Variants in SCOC observed in about 807,000 individuals in gnomAD.
SCOC encodes the protein short coiled-coil protein.
SCOC carries 7 observed loss-of-function variants against 9.9 expected under a neutral mutation model. The ratio of observed to expected loss-of-function variants is 0.71; its 90% CI spans 0.40 to 1.33. The LOEUF (loss-of-function observed/expected upper bound fraction) is 1.33. Ranked by LOEUF, SCOC falls within the 40% of genes most tolerant of loss-of-function variation. The pLI is 0.01. For synonymous variants in SCOC, 19 were observed against 28.2 expected, an observed-to-expected ratio of 0.67 and a Z score of 1.03; for missense variants, 66 against 89.7, an observed-to-expected ratio of 0.74 and a Z score of 1.07.
At chr4:140,343,441 C>T (rs999959769), upstream of SCOC, 48 of 498,140 alleles carry the variant, frequency 9.6e-5, no homozygotes, top group Non-Finnish European at 1.3e-4. Flanking sequence ...GGGTCTCCTA[C>T]CACTTCCGGT....
chr4:140,307,263 G>T (rs1366707169), intron 1 of SCOC, among the ~76,000 whole-genome samples: 1 of 152,156 alleles, frequency 6.6e-6, no homozygotes, highest in Non-Finnish European at 1.5e-5. Flanking sequence ...CAGTAACTCT[G>T]CAATTAACAC....
At chr4:140,364,837 A>C (rs1727719877) in intron 2 of SCOC, among the ~76,000 whole-genome samples, 1 of 152,124 alleles carries the variant, frequency 6.6e-6, no homozygotes, top group Non-Finnish European at 1.5e-5. Flanking sequence ...GTCAAAACTG[A>C]AGCTGTCAAT....
chr4:140,337,397 G>A (rs1442087901), intron 1 of SCOC, among the ~76,000 whole-genome samples: 2 of 152,012 alleles, frequency 1.3e-5, no homozygotes, highest in Non-Finnish European at 2.9e-5. Context: ...AATAAAGTTG[G>A]AGTACTCACA....
intron 2 of SCOC, among the ~76,000 whole-genome samples, chr4:140,351,893 G>A (rs545622825): frequency 2.8e-4 from 42 of 152,150 alleles, no homozygotes; most frequent in Non-Finnish European, 5.4e-4. Flanking sequence ...GAGTCTTGTC[G>A]GTGAAAAGGG....
exon 1 of SCOC, chr4:140,257,343 G>C (rs1325669665): frequency 6.6e-6 from 1 of 152,144 alleles, no homozygotes; most frequent in African/African-American, 2.4e-5. Context: ...TGATAGGAAC[G>C]ATGGCTACAT....
chr4:140,350,728 C>A (rs973018374), intron 2 of SCOC, among the ~76,000 whole-genome samples: 1 of 152,156 alleles, frequency 6.6e-6, no homozygotes, highest in Non-Finnish European at 1.5e-5. Flanking sequence ...AGCCTCCATT[C>A]CCTCAGCTGC....
intron 2 of SCOC, among the ~76,000 whole-genome samples, chr4:140,365,922 T>C (rs1278470892): frequency 6.6e-6 from 1 of 152,202 alleles, no homozygotes; most frequent in Non-Finnish European, 1.5e-5. Context: ...TCAAAAGTTA[T>C]ACATGGATTT....
chr4:140,316,783 T>C (rs548306409), intron 1 of SCOC, among the ~76,000 whole-genome samples: 13 of 152,336 alleles, frequency 8.5e-5, no homozygotes, highest in South Asian at 2.1e-4. Context: ...ATATTTTCAA[T>C]GAAACTATGA....
chr4:140,284,098 G>C (rs1003064442), intron 1 of SCOC: 1 of 152,160 alleles, frequency 6.6e-6, no homozygotes, highest in African/African-American at 2.4e-5. Context: ...GTGGGGTAGG[G>C]GGAAAGGAGA....
chr4:140,340,783 CTTTTTTTTTT>C (rs36136647), upstream of SCOC, among the ~76,000 whole-genome samples: 4 of 40,476 alleles, frequency 9.9e-5, no homozygotes, highest in East Asian at 6.4e-4. Context: ...TGCTGCCTAA[CTTTTTTTTTT>C]TTTTTTTTTT....
chr4:140,345,659 T>C lies in SCOC; in HGVS notation c.70+1951T>C, dbSNP rs577507105. On this transcript the variant is annotated intron_variant, in intron 2 of 4. Coordinates refer to the SCOC transcript ENST00000338517. ...GTAAAGCATTAAAAAGGTATGCTTA[T>C]ATTAAAAGAAAGTTTAGTTCAATTT... 2.6e-5 allele frequency among the ~76,000 whole-genome samples: 4 copies of C among 152,368 alleles called. No individual in the cohort carries two copies. In the East Asian group the frequency reaches 5.8e-4, roughly 22 times the overall value.
chr4:140,287,980 T>C (rs1013131415), intron 1 of SCOC, among the ~76,000 whole-genome samples: 2 of 151,872 alleles, frequency 1.3e-5, no homozygotes, highest in African/African-American at 4.8e-5. Context: ...ACATACCACA[T>C]GAACACATAC....
At chr4:140,366,833 C>G (rs1304475586) in intron 2 of SCOC, 1 of 888,166 alleles carries the variant, frequency 1.1e-6, no homozygotes, top group African/African-American at 1.6e-5. Flanking sequence ...CCCACACGGC[C>G]AACCTCCACG....
chr4:140,263,424 G>A (rs1386758330), intron 1 of SCOC, among the ~76,000 whole-genome samples: 1 of 152,202 alleles, frequency 6.6e-6, no homozygotes, highest in East Asian at 1.9e-4. Flanking sequence ...CCACATCTGT[G>A]CTCAGAGACT....
chr4:140,351,281 C>G (rs974810108), intron 2 of SCOC, among the ~76,000 whole-genome samples: 2 of 151,966 alleles, frequency 1.3e-5, no homozygotes, highest in Admixed American at 1.3e-4. Context: ...GCGCTGTAAG[C>G]TGGGACTGCC....
At chr4:140,282,821 C>T (rs1037724826) in intron 1 of SCOC, among the ~76,000 whole-genome samples, 9 of 152,186 alleles carry the variant, frequency 5.9e-5, no homozygotes, top group Admixed American at 2.6e-4. Context: ...TCTTAAGCTC[C>T]GACTCCCAGG....
chr4:140,302,763 G>A (rs1189718072), intron 1 of SCOC, among the ~76,000 whole-genome samples: 1 of 152,178 alleles, frequency 6.6e-6, no homozygotes, highest in Non-Finnish European at 1.5e-5. Flanking sequence ...TATCAAGGTA[G>A]GTGTTCCTAT....
At chr4:140,295,361 A>G (rs1330526934) in intron 1 of SCOC, among the ~76,000 whole-genome samples, 1 of 152,158 alleles carries the variant, frequency 6.6e-6, no homozygotes, top group Non-Finnish European at 1.5e-5. Context: ...GCCCATCAGC[A>G]CACCCCACCA....
intron 1 of SCOC, among the ~76,000 whole-genome samples, chr4:140,271,833 T>C (rs948749229): frequency 1.3e-5 from 2 of 152,068 alleles, no homozygotes; most frequent in Admixed American, 6.6e-5. Flanking sequence ...TCTCTGCCAC[T>C]GAGGTACTAA....
Sources: gnomAD v4.1 joint callset for allele counts (sites outside exome capture counted in the v4.1 genomes callset) on GRCh38, gnomAD v4.1.1 for gene constraint, MANE v1.5 for transcripts, NCBI Gene and HGNC (gene_info 2026-07-23, HGNC 2026-07-21) for gene names.